Variants in EXOC1 observed in about 807,000 individuals in gnomAD.
EXOC1 encodes SEC3-like 1.
EXOC1 carries 67 observed loss-of-function variants against 107.7 expected under a neutral mutation model. That is an observed-to-expected ratio of 0.62 (90% CI 0.51 to 0.76). The LOEUF is 0.76. Ranked by LOEUF, EXOC1 falls within the 30% of genes least tolerant of loss-of-function variation. EXOC1 has a pLI of 0.00. For synonymous variants in EXOC1, 348 were observed against 353.5 expected (o/e 0.98, Z 0.17); for missense variants, 833 against 1,055.7 (o/e 0.79, Z 2.92).
chr4:55,899,845 T>C lies in EXOC1; in HGVS notation c.2298T>C (p.Tyr766=), dbSNP rs140797241. The C allele has an allele frequency of 5.1e-4, 827 of 1,612,272 alleles. 2 individuals are homozygous for C. Among genetic ancestry groups the C allele is most frequent in the Middle Eastern group, 9.2e-4 (5 of 5,440 alleles). The change falls in exon 17 of 19, where the codon TAT becomes TAC. Residue 766 remains tyrosine, a synonymous_variant. Transcript: ENST00000381295. ...AATACACAGATCACCTTCAGTCTTA[T>C]GTCATTTACTCTTTAGGACAACCTC... is the stretch of plus-strand genomic sequence containing the variant. The part of the protein sequence containing the change: ...KQKYTDHLQS[Y]VIYSLGQPLE...
intron 3 of EXOC1, among the ~76,000 whole-genome samples, chr4:55,862,537 T>C (rs1369625816): frequency 1.3e-5 from 2 of 152,314 alleles, no homozygotes; most frequent in East Asian, 3.9e-4. Flanking sequence ...TTGCCAATAC[T>C]CTTGTTGTGT....
At chr4:55,880,616 T>C (rs558440596) in intron 9 of EXOC1, among the ~76,000 whole-genome samples, 24 of 152,308 alleles carry the variant, frequency 1.6e-4, no homozygotes, top group Admixed American at 1.3e-3. Context: ...CTAGTGAATA[T>C]TCAAATAAGT....
chr4:55,894,614 C>CCTT (rs1553880116), intron 15 of EXOC1, among the ~76,000 whole-genome samples: 1 of 76,116 alleles, frequency 1.3e-5, no homozygotes, highest in African/African-American at 5.3e-5. Context: ...CTATCTGTTA[C>CCTT]TTTTTTTTTT....
intron 10 of EXOC1, chr4:55,885,848 T>G (rs534363187): frequency 6.6e-6 from 1 of 152,324 alleles, no homozygotes; most frequent in East Asian, 1.9e-4. Flanking sequence ...GCAAATGACT[T>G]GAGAAGTTCT....
intron 10 of EXOC1, chr4:55,885,713 C>A (rs1723811695): frequency 6.6e-6 from 1 of 152,100 alleles, no homozygotes; most frequent in Non-Finnish European, 1.5e-5. Context: ...ATGAAAATTA[C>A]AGTATCAATT....
intron 18 of EXOC1, among the ~76,000 whole-genome samples, chr4:55,903,394 C>G (rs1726227025): frequency 6.6e-6 from 1 of 152,024 alleles, no homozygotes; most frequent in African/African-American, 2.4e-5. Context: ...TTGTTTTAAC[C>G]TCTGAAAGTC....
At chr4:55,860,662 T>G (rs1194768319) in intron 3 of EXOC1, 121 bp downstream of exon 3, 9 of 1,294,630 alleles carry the variant, frequency 7.0e-6, no homozygotes, top group Non-Finnish European at 7.2e-6. Flanking sequence ...TTCTTATTTT[T>G]TTGCTTTTTT....
chr4:55,878,597 T>C (rs1723107386), intron 9 of EXOC1, among the ~76,000 whole-genome samples: 1 of 152,180 alleles, frequency 6.6e-6, no homozygotes, highest in African/African-American at 2.4e-5. Flanking sequence ...TGTGGCAGTA[T>C]AGACAAGGAA....
chr4:55,902,555 TG>T lies in EXOC1; in HGVS notation c.2532+18del. On this transcript the variant is annotated intron_variant, in intron 18 of 18. Transcript: ENST00000381295. ...TTACTTCAGGTATGCTTACTTCTTT[TG>T]ACCATCTGACTTAAAGATCCTTACA... is the stretch of plus-strand genomic sequence containing the variant. 6.9e-7 allele frequency: 1 copy of T among 1,452,732 alleles called. No individual in the cohort carries two copies. The highest frequency in any genetic ancestry group is 9.1e-7 in the Non-Finnish European group (1 of 1,104,170). The allele number at this position is 1,452,732 out of a possible 1,614,324, so 90.0% of individuals were successfully genotyped here.
chr4:55,872,739 T>C, intron 8 of EXOC1: 1 of 917,916 alleles, frequency 1.1e-6, no homozygotes, highest in Non-Finnish European at 1.3e-6. Flanking sequence ...ATTTACTATA[T>C]TTTATTTCCA....
At chr4:55,885,014 G>C (rs1723734534) in intron 10 of EXOC1, among the ~76,000 whole-genome samples, 1 of 152,120 alleles carries the variant, frequency 6.6e-6, no homozygotes, top group Admixed American at 6.6e-5. Context: ...GGGACAGTAG[G>C]CTTTCGGAAA....
At chr4:55,865,621 A>G (rs1376064672) in intron 4 of EXOC1, among the ~76,000 whole-genome samples, 1 of 152,126 alleles carries the variant, frequency 6.6e-6, no homozygotes, top group Non-Finnish European at 1.5e-5. Context: ...TGAGTCAGTG[A>G]TTCAGTGATT....
At chr4:55,870,991 A>C (rs1722377669) in intron 6 of EXOC1, 86 bp downstream of exon 6, 1 of 1,543,432 alleles carries the variant, frequency 6.5e-7, no homozygotes, top group South Asian at 1.2e-5. Flanking sequence ...TTTCCTTGTG[A>C]GAACAGGATT....
chr4:55,877,785 GTTCTA>G, intron 8 of EXOC1, 127 bp from the exon 9 acceptor site: 3 of 1,462,592 alleles, frequency 2.1e-6, no homozygotes, highest in South Asian at 2.8e-5. Flanking sequence ...ATTTTTCTGT[GTTCTA>G]TTCTTAATTA....
chr4:55,859,098 T>C lies in EXOC1; in HGVS notation c.124+651T>C, dbSNP rs953393945. On this transcript the variant is annotated intron_variant, in intron 2 of 18. Transcript: ENST00000381295. Reference sequence around the variant, plus strand: ...GTGAGCATTTCTGGTTGTCATCTTATATGTTATTTTTATTTTGTTTTTGTT... The same window carrying C: ...GTGAGCATTTCTGGTTGTCATCTTACATGTTATTTTTATTTTGTTTTTGTT... Among the ~76,000 whole-genome samples, 5 of 152,210 alleles carry C rather than the reference T, an allele frequency of 3.3e-5. No individual in the cohort carries two copies. In the East Asian group the frequency reaches 9.6e-4, roughly 29 times the overall value.
At chr4:55,883,552 A>G in intron 9 of EXOC1, 1 of 267,004 alleles carries the variant, frequency 3.7e-6, no homozygotes, top group Non-Finnish European at 7.1e-6. Flanking sequence ...GTGTGATTAC[A>G]GTGATATTTA....
chr4:55,872,927 T>C (rs1722576949), intron 8 of EXOC1: 1 of 264,804 alleles, frequency 3.8e-6, no homozygotes, highest in Non-Finnish European at 5.8e-6. Flanking sequence ...TTAAGCTACC[T>C]GTTAACCACA....
At chr4:55,854,699 C>A (rs1720797566) in intron 1 of EXOC1, among the ~76,000 whole-genome samples, 1 of 152,272 alleles carries the variant, frequency 6.6e-6, no homozygotes, top group African/African-American at 2.4e-5. Context: ...ATGAGGTATG[C>A]CCAATCCTGT....
intron 16 of EXOC1, among the ~76,000 whole-genome samples, chr4:55,897,279 A>G (rs974920641): frequency 1.3e-5 from 2 of 152,008 alleles, no homozygotes; most frequent in African/African-American, 4.8e-5. Flanking sequence ...GGTGCACCCT[A>G]CCATGCCCTG....
Sources: gnomAD v4.1 joint callset for allele counts (sites outside exome capture counted in the v4.1 genomes callset) on GRCh38, gnomAD v4.1.1 for gene constraint, MANE v1.5 for transcripts, NCBI Gene and HGNC (gene_info 2026-07-23, HGNC 2026-07-21) for gene names.